The following MREG variants were observed in gnomAD, a reference collection of about 807,000 sequenced individuals.
The protein encoded by MREG is dilute suppressor protein homolog.
Under a neutral mutation model 28.5 loss-of-function variants are expected in MREG, and 31 were observed. That is an observed-to-expected ratio of 1.09 (90% CI 0.82 to 1.47). The LOEUF (loss-of-function observed/expected upper bound fraction) is 1.47, where lower values mean the gene tolerates loss of function less well. MREG is among the 40% of genes most tolerant of loss of function. The probability of loss-of-function intolerance (pLI) is 0.00; values close to 1 mark genes in which losing one functional copy is unlikely to be tolerated. For missense variants in MREG, 256 were observed against 257.4 expected, an observed-to-expected ratio of 0.99 and a Z score of 0.04; for synonymous variants, 106 against 95.2, an observed-to-expected ratio of 1.11 and a Z score of -0.66.
chr2:215,968,240 G>C lies in MREG; in HGVS notation c.256-21127C>G, dbSNP rs77024196. Among the ~76,000 whole-genome samples the C allele has an allele frequency of 9.7e-3, 1,483 of 152,232 alleles. 22 individuals carry two copies. The highest frequency in any genetic ancestry group is 0.034 in the African/African-American group (1,407 of 41,536). On this transcript the variant is annotated intron_variant, in intron 2 of 4. Transcript: ENST00000263268. ...GGCCCAAACCCCAGGAACCCCTTCTGCTGAGTCACCTTCCTCTTGTGCTCT... is the reference window on the plus strand; with the variant it reads ...GGCCCAAACCCCAGGAACCCCTTCTCCTGAGTCACCTTCCTCTTGTGCTCT...
intron 2 of MREG, among the ~76,000 whole-genome samples, chr2:215,947,387 T>C (rs1692350243): frequency 6.6e-6 from 1 of 152,240 alleles, no homozygotes; most frequent in Admixed American, 6.5e-5. Context: ...AATTTAGTGA[T>C]CTCACCTGTA....
At chr2:215,945,829 G>A in intron 3 of MREG, 95 bp from the exon 4 acceptor site, 1 of 1,057,672 alleles carries the variant, frequency 9.5e-7, no homozygotes, top group Non-Finnish European at 1.4e-6. Flanking sequence ...ACAGACCCAT[G>A]TGGATTCTGT....
At chr2:216,011,190 A>G (rs936501814) in intron 1 of MREG, among the ~76,000 whole-genome samples, 2 of 152,186 alleles carry the variant, frequency 1.3e-5, no homozygotes, top group Non-Finnish European at 2.9e-5. Flanking sequence ...TTTTAAATCA[A>G]CTAAAAAAAA....
At chr2:215,992,414 C>T (rs780234922) in intron 2 of MREG, among the ~76,000 whole-genome samples, 11 of 152,014 alleles carry the variant, frequency 7.2e-5, no homozygotes, top group East Asian at 3.8e-4. Context: ...ATTGATGGAA[C>T]GTATCTCAAA....
intron 1 of MREG, among the ~76,000 whole-genome samples, chr2:216,009,492 A>G (rs1694242437): frequency 6.6e-6 from 1 of 152,112 alleles, no homozygotes; most frequent in South Asian, 2.1e-4. Context: ...CTGATTCAGC[A>G]TCTCCCAGGC....
At chr2:215,981,946 C>T (rs961748079) in intron 2 of MREG, among the ~76,000 whole-genome samples, 4 of 152,180 alleles carry the variant, frequency 2.6e-5, no homozygotes, top group African/African-American at 7.2e-5. Flanking sequence ...TGATGCTGCT[C>T]GCTGGCCTAC....
upstream of MREG, among the ~76,000 whole-genome samples, chr2:216,014,353 G>T (rs1694393299): frequency 6.6e-6 from 1 of 152,150 alleles, no homozygotes; most frequent in Non-Finnish European, 1.5e-5. Context: ...ACGTCTGCAA[G>T]AATGTCTATT....
chr2:215,954,323 T>G (rs1334730625), intron 2 of MREG, among the ~76,000 whole-genome samples: 1 of 152,154 alleles, frequency 6.6e-6, no homozygotes, highest in Non-Finnish European at 1.5e-5. Context: ...CTTTTCACAA[T>G]CTGAAGACCA....
At chr2:215,963,438 A>AAG (rs1692850398) in intron 2 of MREG, among the ~76,000 whole-genome samples, 1 of 35,544 alleles carries the variant, frequency 2.8e-5, no homozygotes, top group Non-Finnish European at 9.0e-5. Context: ...CCCATCTCAA[A>AAG]AAAAAAAAAA....
At chr2:216,011,485 C>A (rs1694309390) in intron 1 of MREG, among the ~76,000 whole-genome samples, 1 of 152,182 alleles carries the variant, frequency 6.6e-6, no homozygotes. Context: ...TCTCTCGTGG[C>A]AAACCTTTGA....
chr2:216,009,981 G>A (rs1414607000), intron 1 of MREG, among the ~76,000 whole-genome samples: 1 of 152,192 alleles, frequency 6.6e-6, no homozygotes, highest in Non-Finnish European at 1.5e-5. Flanking sequence ...CCCCCCAAAA[G>A]ATATGTCCAA....
At chr2:216,011,885 C>T (rs1048564547) in intron 1 of MREG, among the ~76,000 whole-genome samples, 2 of 152,144 alleles carry the variant, frequency 1.3e-5, no homozygotes, top group Non-Finnish European at 2.9e-5. Flanking sequence ...TTCTAGATTG[C>T]AGTTACCCAC....
Position 216,013,492 on chromosome 2 carries a change from G to A in MREG, c.-165C>T, listed in dbSNP as rs149095220. On this transcript the variant is annotated 5_prime_UTR_variant, in exon 1 of 5. Coordinates refer to ENST00000263268, the MANE Select transcript of MREG (RefSeq NM_018000.3). ...GCATCACGCCGCGGCCGGGGACGCG[G>A]GCGAGGGCTGCAGGCCGCGCGCCCT... The A allele has an allele frequency of 0.013, 2,731 of 215,036 alleles. 343 individuals carry two copies. In the East Asian group the frequency reaches 0.22, roughly 18 times the overall value. 13.3% of individuals were successfully genotyped at this position (215,036 alleles called of 1,614,324 possible).
chr2:215,995,497 T>C (rs1488409208), intron 2 of MREG, among the ~76,000 whole-genome samples: 24 of 135,160 alleles, frequency 1.8e-4, no homozygotes, highest in African/African-American at 6.9e-4. Flanking sequence ...CCACAGCACC[T>C]CCACCCACCC....
In MREG at chr2:215,996,387, A is replaced by G. The variant is rs1693875116; in HGVS notation, c.174T>C (p.Asp58=). The change falls in exon 2 of 5, where the codon GAT becomes GAC. Residue 58 remains aspartate, a synonymous_variant. Transcript: ENST00000263268. ...DEKNLWSMPH[D]VSHTEADDDR... ...CGTCGTCTGCCTCTGTGTGGGACAC[A>G]TCATGGGGCATACTCCATAAATTCT... 2 of 1,613,998 alleles carry G rather than the reference A, an allele frequency of 1.2e-6. No individual in the cohort carries two copies. The highest frequency in any genetic ancestry group is 1.3e-5 in the African/African-American group (1 of 75,072).
At chr2:215,983,146 T>C (rs1693474567) in intron 2 of MREG, among the ~76,000 whole-genome samples, 1 of 152,212 alleles carries the variant, frequency 6.6e-6, no homozygotes, top group Non-Finnish European at 1.5e-5. Context: ...ATCGCTTCCC[T>C]TTTCCAGTTA....
chr2:215,959,263 G>A (rs1692716163), intron 2 of MREG, among the ~76,000 whole-genome samples: 1 of 151,996 alleles, frequency 6.6e-6, no homozygotes. Context: ...TTGGCTCCAG[G>A]TCTCAGTTTC....
At chr2:215,971,207 G>C (rs1305903772) in intron 2 of MREG, among the ~76,000 whole-genome samples, 1 of 152,154 alleles carries the variant, frequency 6.6e-6, no homozygotes, top group African/African-American at 2.4e-5. Context: ...TTAAAACCTA[G>C]ATGACGGGTT....
chr2:215,991,316 A>G (rs1693714531), intron 2 of MREG, among the ~76,000 whole-genome samples: 1 of 152,226 alleles, frequency 6.6e-6, no homozygotes, highest in Admixed American at 6.5e-5. Context: ...AAATTAAGGC[A>G]GAGATAAATA....
Sources: gnomAD v4.1 joint callset for allele counts (sites outside exome capture counted in the v4.1 genomes callset) on GRCh38, gnomAD v4.1.1 for gene constraint, MANE v1.5 for transcripts, NCBI Gene and HGNC (gene_info 2026-07-23, HGNC 2026-07-21) for gene names.